PTPRD: variants seen among roughly 807,000 people sequenced by gnomAD.
PTPRD encodes the protein protein tyrosine phosphatase receptor type D.
PTPRD carries 34 observed loss-of-function variants against 214.5 expected under a neutral mutation model. The ratio of observed to expected loss-of-function variants is 0.16; its 90% CI spans 0.12 to 0.21. The LOEUF (loss-of-function observed/expected upper bound fraction) is 0.21, where lower values mean the gene tolerates loss of function less well. Among genes scored for constraint, PTPRD ranks in the 10% least tolerant of loss-of-function variants. PTPRD has a pLI of 1.00. For synonymous variants in PTPRD, 1,128 were observed against 845.7 expected, an observed-to-expected ratio of 1.33 and a Z score of -5.79; for missense variants, 2,545 against 2,398.7, an observed-to-expected ratio of 1.06 and a Z score of -1.27.
intron 3 of PTPRD, among the ~76,000 whole-genome samples, chr9:10,060,263 G>T (rs999287212): frequency 6.6e-5 from 10 of 151,864 alleles, no homozygotes; most frequent in African/African-American, 2.2e-4. Flanking sequence ...TTGGTTAAAA[G>T]AATATTTTTA....
chr9:10,075,240 C>T (rs146735858), intron 3 of PTPRD, among the ~76,000 whole-genome samples: 14 of 151,970 alleles, frequency 9.2e-5, no homozygotes, highest in African/African-American at 3.4e-4. Context: ...AAAATGAGAC[C>T]CCCCGAAGGT....
chr9:8,543,784 C>T (rs571575864), intron 14 of PTPRD, among the ~76,000 whole-genome samples: 6 of 152,218 alleles, frequency 3.9e-5, no homozygotes, highest in African/African-American at 1.2e-4. Flanking sequence ...ATGGTCTAGG[C>T]TCACTGCAAC....
intron 7 of PTPRD, among the ~76,000 whole-genome samples, chr9:9,669,034 A>AT (rs1295600346): frequency 1.6e-4 from 25 of 151,910 alleles, no homozygotes; most frequent in East Asian, 1.4e-3. Context: ...ACAAAGGGTA[A>AT]TTTTTTTTGG....
chr9:9,391,222 A>C (rs1250169308), intron 9 of PTPRD, among the ~76,000 whole-genome samples: 1 of 152,174 alleles, frequency 6.6e-6, no homozygotes, highest in East Asian at 1.9e-4. Context: ...TCAACATTTG[A>C]CATATCAGTA....
At chr9:10,370,575 A>G (rs953745086) in intron 2 of PTPRD, among the ~76,000 whole-genome samples, 2 of 152,136 alleles carry the variant, frequency 1.3e-5, no homozygotes, top group African/African-American at 4.8e-5. Context: ...CAAATCAAAA[A>G]TTAAATGAAA....
chr9:10,478,419 C>T (rs1021392710), intron 2 of PTPRD, among the ~76,000 whole-genome samples: 5 of 152,042 alleles, frequency 3.3e-5, no homozygotes, highest in African/African-American at 4.8e-5. Context: ...AGATAATACC[C>T]GTATCTGGAA....
In PTPRD at chr9:9,534,623, A is replaced by G. The variant is rs192577607; in HGVS notation, c.-237+40109T>C. Among the ~76,000 whole-genome samples, 33 of 152,206 alleles carry G rather than the reference A, an allele frequency of 2.2e-4. No individual in the cohort carries two copies. The East Asian group carries it at 5.8e-3, about 27-fold the overall frequency. ...GACACCACGTTTTATTTACTAACTAAGCTTTGCCCAGGAATAACGCTTTTT... is the reference window on the plus strand; with the variant it reads ...GACACCACGTTTTATTTACTAACTAGGCTTTGCCCAGGAATAACGCTTTTT... On this transcript the variant is annotated intron_variant, in intron 8 of 45. Transcript: ENST00000381196.
intron 20 of PTPRD, among the ~76,000 whole-genome samples, chr9:8,520,828 T>C (rs1249290655): frequency 6.6e-6 from 1 of 152,204 alleles, no homozygotes; most frequent in African/African-American, 2.4e-5. Flanking sequence ...AAATCATCTA[T>C]TACTAGACTA....
At chr9:8,763,002 T>A (rs1283374046) in intron 11 of PTPRD, among the ~76,000 whole-genome samples, 1 of 152,142 alleles carries the variant, frequency 6.6e-6, no homozygotes, top group African/African-American at 2.4e-5. Context: ...TGAGTCTCTG[T>A]AGTTAATAAC....
At position 8,404,423 on chromosome 9, in the gene PTPRD, A is replaced by G; in HGVS notation, c.4210+114T>C. ...GGATTACAGGCGTGAGCCACCATGC[A>G]CAGCCATCTTAATTACTTTCAGAGA... is the stretch of plus-strand genomic sequence containing the variant. On this transcript the variant is annotated intron_variant, in intron 36 of 45. Transcript: ENST00000381196. The G allele has an allele frequency of 2.9e-6, 4 of 1,385,228 alleles. No homozygotes were observed. In the South Asian group the frequency reaches 4.6e-5, roughly 16 times the overall value. 85.8% of individuals were successfully genotyped at this position (1,385,228 alleles called of 1,614,324 possible).
intron 3 of PTPRD, among the ~76,000 whole-genome samples, chr9:10,135,243 C>G (rs368880435): frequency 1.3e-5 from 2 of 152,010 alleles, no homozygotes; most frequent in African/African-American, 2.4e-5. Flanking sequence ...GAAATCAAAC[C>G]TAAGACAAAC....
Position 8,404,616 on chromosome 9 carries a change from C to T in PTPRD, c.4131G>A (p.Leu1377=), listed in dbSNP as rs1028353336. The change falls in exon 36 of 46, where the codon TTG becomes TTA. Residue 1377 remains leucine, a synonymous_variant. Coordinates refer to ENST00000381196, the MANE Select transcript of PTPRD (RefSeq NM_002839.4). ...ATCTATTCTTTGGTTTGTTTACTTC[C>T]AAGTTTGAATGTTCCCAAGTGAACT... The part of the protein sequence containing the change: ...GQQFTWEHSN[L]EVNKPKNRYA... 4 of 1,613,056 alleles carry T rather than the reference C, an allele frequency of 2.5e-6. No homozygotes were observed. Among genetic ancestry groups the T allele is most frequent in the Non-Finnish European group, 3.4e-6 (4 of 1,179,314 alleles).
chr9:9,789,852 C>G (rs906553466), intron 5 of PTPRD, among the ~76,000 whole-genome samples: 1 of 133,688 alleles, frequency 7.5e-6, no homozygotes, highest in Non-Finnish European at 1.6e-5. Flanking sequence ...TTTATCAGGA[C>G]AAGTGCAAAT....
At position 8,317,004 on chromosome 9, in the gene PTPRD, A is replaced by G; in HGVS notation, c.*870T>C. The G allele has an allele frequency of 4.3e-6, 1 of 231,706 alleles. No homozygotes were observed. Among genetic ancestry groups the G allele is most frequent in the Non-Finnish European group, 8.6e-6 (1 of 116,830 alleles). The allele number at this position is 231,706 out of a possible 1,614,324, so 14.4% of individuals were successfully genotyped here. A position where few individuals can be genotyped will look rare whatever the true frequency, so the allele number is the denominator to read the frequency against. The stretch of plus-strand genomic sequence containing the variant: ...GTATATATGTTAGCAGCAACTTTAT[A>G]CTTTGCGCCTCCCTGTTGATTCCAA... On this transcript the variant is annotated 3_prime_UTR_variant, in exon 46 of 46. Transcript: ENST00000381196.
intron 2 of PTPRD, among the ~76,000 whole-genome samples, chr9:10,507,999 A>T (rs947236132): frequency 6.6e-5 from 10 of 152,208 alleles, no homozygotes; most frequent in African/African-American, 2.2e-4. Context: ...AACTACCATC[A>T]GAGTGAACAG....
At chr9:10,083,729 G>T (rs1184098769) in intron 3 of PTPRD, among the ~76,000 whole-genome samples, 1 of 151,908 alleles carries the variant, frequency 6.6e-6, no homozygotes, top group East Asian at 1.9e-4. Flanking sequence ...GTAGGAGTCG[G>T]GGGTGGATGA....
In PTPRD at chr9:9,623,395, C is replaced by T. The variant is rs150242536; in HGVS notation, c.-286-48614G>A. ...GATGTTTTCACTTTTAAAAACCCCT[C>T]ATTAGATGCCGTGCTATTCAGAAGC... On this transcript the variant is annotated intron_variant, in intron 7 of 45. Transcript: ENST00000381196. Among the ~76,000 whole-genome samples, 224 of 152,272 alleles carry T rather than the reference C, an allele frequency of 1.5e-3. 1 individual carries two copies. Among genetic ancestry groups the T allele is most frequent in the African/African-American group, 5.1e-3 (212 of 41,558 alleles).
intron 11 of PTPRD, among the ~76,000 whole-genome samples, chr9:9,000,617 A>G (rs2099414307): frequency 6.6e-6 from 1 of 151,954 alleles, no homozygotes; most frequent in African/African-American, 2.4e-5. Flanking sequence ...TTGCCATGGC[A>G]CCATCTGGAC....
intron 3 of PTPRD, among the ~76,000 whole-genome samples, chr9:10,155,397 G>A (rs974974086): frequency 6.6e-6 from 1 of 151,974 alleles, no homozygotes; most frequent in African/African-American, 2.4e-5. Context: ...TCTGCCAACA[G>A]GATAGTTTGA....
Sources: gnomAD v4.1 joint callset for allele counts (sites outside exome capture counted in the v4.1 genomes callset) on GRCh38, gnomAD v4.1.1 for gene constraint, MANE v1.5 for transcripts, NCBI Gene and HGNC (gene_info 2026-07-23, HGNC 2026-07-21) for gene names.